The following ILDR2 variants were observed in gnomAD, a reference collection of about 807,000 sequenced individuals.
ILDR2 encodes immunoglobulin-like domain-containing receptor 2.
In ILDR2, 25 loss-of-function variants were observed where a neutral mutation model predicts 66.8. That is an observed-to-expected ratio of 0.37 (90% CI 0.27 to 0.52). The LOEUF is 0.52. ILDR2 is among the 20% of genes least tolerant of loss of function. The pLI, the probability that ILDR2 is intolerant of heterozygous loss-of-function variation, is 0.88. For missense variants in ILDR2, 827 were observed against 876.8 expected, an observed-to-expected ratio of 0.94 and a Z score of 0.72; for synonymous variants, 367 against 357.2, an observed-to-expected ratio of 1.03 and a Z score of -0.31.
In ILDR2 at chr1:166,935,476, C is replaced by G; in HGVS notation, c.705G>C (p.Leu235Phe). The G allele has an allele frequency of 1.3e-6, 2 of 1,587,380 alleles. No individual in the cohort carries two copies. The highest frequency in any genetic ancestry group is 1.2e-5 in the South Asian group (1 of 85,670). Residue 235 changes from leucine (L) to phenylalanine (F), a missense_variant and splice_region_variant, in exon 6 of 10, where the codon TTG becomes TTC. By Grantham distance (22) the Leu-to-Phe change is conservative (BLOSUM62 0). This residue lies in a region of ILDR2 where 437 missense variants were observed against 523.2 expected (regional missense o/e 0.84). Coordinates refer to ENST00000271417, the MANE Select transcript of ILDR2 (RefSeq NM_199351.3). Reference sequence around the variant, plus strand: ...CCTTTGCTGCTTTCCCTGCTTCATACACTGTGGAGGGAGATCAAGAGCAAG... The same window carrying G: ...CCTTTGCTGCTTTCCCTGCTTCATAGACTGTGGAGGGAGATCAAGAGCAAG... The part of the protein sequence containing the change: ...CPDSCCCPQA[L>F]YEAGKAAKAG...
chr1:166,905,018 T>C (rs1659317086), downstream of ILDR2, among the ~76,000 whole-genome samples: 1 of 152,230 alleles, frequency 6.6e-6, no homozygotes, highest in Non-Finnish European at 1.5e-5. Flanking sequence ...GACTTTTAAA[T>C]ATTGTTATAA....
intron 1 of ILDR2, among the ~76,000 whole-genome samples, chr1:166,970,030 A>G (rs932921539): frequency 1.3e-5 from 2 of 152,248 alleles, no homozygotes; most frequent in African/African-American, 4.8e-5. Flanking sequence ...TGAGAAAAAC[A>G]TCGGGAGAAA....
chr1:166,974,497 T>C (rs781177576), intron 1 of ILDR2, among the ~76,000 whole-genome samples: 1 of 152,240 alleles, frequency 6.6e-6, no homozygotes, highest in Non-Finnish European at 1.5e-5. Context: ...GTGACTTTGA[T>C]GCTGGGGAGA....
rs942574230 is a variant in ILDR2, at chr1:166,918,220, C to T, written c.*1135G>A. ...AGTATCTCTAATCTCTTGAAAGCAG[C>T]CATAGTGGCAGTCTAGTCAGGCCAA... On this transcript the variant is annotated 3_prime_UTR_variant, in exon 10 of 10. Coordinates refer to ENST00000271417, the MANE Select transcript of ILDR2 (RefSeq NM_199351.3). 6.6e-6 allele frequency: 1 copy of T among 152,146 alleles called. No homozygotes were observed. The highest frequency in any genetic ancestry group is 2.1e-4 in the South Asian group (1 of 4,830). 9.4% of individuals were successfully genotyped at this position (152,146 alleles called of 1,614,324 possible). A position where few individuals can be genotyped will look rare whatever the true frequency, so the allele number is the denominator to read the frequency against.
chr1:166,906,181 C>CT (rs1218902780), downstream of ILDR2, among the ~76,000 whole-genome samples: 1 of 152,182 alleles, frequency 6.6e-6, no homozygotes, highest in Admixed American at 6.5e-5. Context: ...TAAGCTCACA[C>CT]TACAAGACCT....
intron 1 of ILDR2, among the ~76,000 whole-genome samples, chr1:166,958,818 T>A (rs548458083): frequency 6.6e-6 from 1 of 152,332 alleles, no homozygotes; most frequent in African/African-American, 2.4e-5. Flanking sequence ...CTGCCTTTAA[T>A]CTGTCAACAT....
At chr1:166,934,598 A>G (rs1170272285) in intron 6 of ILDR2, among the ~76,000 whole-genome samples, 1 of 152,090 alleles carries the variant, frequency 6.6e-6, no homozygotes, top group Non-Finnish European at 1.5e-5. Flanking sequence ...GATCTTCTGG[A>G]GGGGTTTCAA....
Position 166,935,418 on chromosome 1 carries a change from C to T in ILDR2, c.763G>A (p.Gly255Ser), listed in dbSNP as rs776482261. The change falls in exon 6 of 10, where the codon GGC (glycine) becomes AGC (serine). Residue 255 changes from glycine to serine, a missense_variant. By Grantham distance (56) the Gly-to-Ser change is moderately conservative. Transcript: ENST00000271417. ...GGGACAGAGGGGATGGAGTAAGGGC[C>T]GGGGACACCGGAGACAGAGGGAGGG... Reference protein sequence around the residue: ...GYPPSVSGVPGPYSIPSVPLG... With the variant: ...GYPPSVSGVPSPYSIPSVPLG... 28 of 1,613,172 alleles carry T rather than the reference C, an allele frequency of 1.7e-5. No homozygotes were observed. The highest frequency in any genetic ancestry group is 1.6e-4 in the Middle Eastern group (1 of 6,080).
At chr1:166,966,677 A>G (rs774070665) in intron 1 of ILDR2, among the ~76,000 whole-genome samples, 19 of 152,202 alleles carry the variant, frequency 1.2e-4, no homozygotes, top group Admixed American at 5.9e-4. Context: ...CTCATCTTCC[A>G]CAGATCTGAA....
intron 1 of ILDR2, among the ~76,000 whole-genome samples, chr1:166,960,290 T>G (rs2075982): frequency 0.39 from 59,416 of 152,032 alleles, 12,010 homozygotes; most frequent in East Asian, 0.59. Flanking sequence ...ACAGAATAAA[T>G]GAAGAAATGT....
chr1:166,897,007 T>C (rs976723485), intron 2 of ILDR2, among the ~76,000 whole-genome samples: 15 of 152,264 alleles, frequency 9.9e-5, no homozygotes, highest in Non-Finnish European at 1.6e-4. Flanking sequence ...ATTATGTTTC[T>C]ATTGCACATT....
intron 4 of ILDR2, 51 bp downstream of exon 4, chr1:166,939,463 C>A: frequency 6.8e-7 from 1 of 1,466,040 alleles, no homozygotes. Flanking sequence ...AGAAGCAAGA[C>A]AGATGGAATA....
intron 2 of ILDR2, among the ~76,000 whole-genome samples, chr1:166,901,834 TGCA>T (rs1472806245): frequency 1.3e-5 from 2 of 152,238 alleles, no homozygotes; most frequent in African/African-American, 2.4e-5. Flanking sequence ...ACCTCATCCA[TGCA>T]GCAGTTTTGT....
chr1:166,909,770 A>AATATATAAAT lies in ILDR2; in HGVS notation c.*9584_*9585insATTTATATAT, dbSNP rs1659430300. 1 of 66,218 alleles carries AATATATAAAT rather than the reference A, an allele frequency of 1.5e-5. No individual in the cohort carries two copies. The highest frequency in any genetic ancestry group is 1.8e-4 in the Admixed American group (1 of 5,602). The allele number at this position is 66,218 out of a possible 1,614,324, so 4.1% of individuals were successfully genotyped here. On this transcript the variant is annotated 3_prime_UTR_variant, in exon 10 of 10. Transcript: ENST00000271417. ...ATATATATATATATAAATATATATA[A>AATATATAAAT]ATATATATATTTATATATATATATA...
chr1:166,928,588 G>A (rs1403983843), intron 6 of ILDR2, among the ~76,000 whole-genome samples: 1 of 152,194 alleles, frequency 6.6e-6, no homozygotes, highest in Admixed American at 6.5e-5. Context: ...CCATATGACT[G>A]CATGTAAATT....
chr1:166,926,075 C>A (rs531309998), intron 7 of ILDR2, among the ~76,000 whole-genome samples: 29 of 152,198 alleles, frequency 1.9e-4, no homozygotes, highest in Non-Finnish European at 3.8e-4. Flanking sequence ...ACAACGCAGA[C>A]AGGATGAATT....
chr1:166,939,215 T>G (rs775479076), intron 4 of ILDR2, among the ~76,000 whole-genome samples: 7 of 152,194 alleles, frequency 4.6e-5, no homozygotes, highest in South Asian at 2.1e-4. Context: ...TTTAGGTATA[T>G]GGGTACAGCT....
chr1:166,926,637 A>G (rs1003829220), intron 7 of ILDR2, among the ~76,000 whole-genome samples: 2 of 151,640 alleles, frequency 1.3e-5, no homozygotes, highest in African/African-American at 4.8e-5. Flanking sequence ...TACTTTGAAT[A>G]TATTTTAAAG....
In ILDR2 at chr1:166,936,940, A is replaced by C. The variant is rs1050169204; in HGVS notation, c.557-203T>G. On this transcript the variant is annotated intron_variant, in intron 4 of 9. Transcript: ENST00000271417. The surrounding 1 kb of genome is among the most constrained non-coding windows in gnomAD (Gnocchi z 5.0). ...GACCCTCAGTCCCGGGGAATGGAGA[A>C]GAGGGAAGAAGGTTATCTATGTTAC... Among the ~76,000 whole-genome samples the C allele has an allele frequency of 6.6e-6, 1 of 152,184 alleles. No individual in the cohort carries two copies.
Sources: gnomAD v4.1 joint callset for allele counts (sites outside exome capture counted in the v4.1 genomes callset) on GRCh38, gnomAD v4.1.1 for gene constraint, gnomAD v4.1.1 regional missense constraint, Gnocchi (gnomAD v3.1) non-coding constraint, MANE v1.5 for transcripts, NCBI Gene and HGNC (gene_info 2026-07-23, HGNC 2026-07-21) for gene names.